The following DDX6 variants were observed in gnomAD, a reference collection of about 807,000 sequenced individuals.
DDX6 encodes DEAD-box helicase 6.
Under a neutral mutation model 60.6 loss-of-function variants are expected in DDX6, and 7 were observed. The ratio of observed to expected loss-of-function variants is 0.12; its 90% confidence interval spans 0.07 to 0.22. DDX6 has a LOEUF of 0.22. Ranked by LOEUF, DDX6 falls within the 10% of genes least tolerant of loss-of-function variation. DDX6 has a pLI of 1.00. For synonymous variants in DDX6, 207 were observed against 201.0 expected, an observed-to-expected ratio of 1.03 and a Z score of -0.25; for missense variants, 270 against 589.9, an observed-to-expected ratio of 0.46 and a Z score of 5.62.
rs1165591575 is a variant in DDX6, at chr11:118,750,254, T to C, written c.*1851A>G. The C allele has an allele frequency of 2.0e-5, 3 of 152,306 alleles. No homozygotes were observed. Among genetic ancestry groups the C allele is most frequent in the African/African-American group, 7.3e-5 (3 of 41,332 alleles). The allele number at this position is 152,306 out of a possible 1,614,324, so 9.4% of individuals were successfully genotyped here. ...CTAGTACACTGGGTTAAAAGGGAAT[T>C]AAAAACATTAAAAAAAAAAGTTCAC... On this transcript the variant is annotated 3_prime_UTR_variant, in exon 14 of 14. Transcript: ENST00000534980.
chr11:118,756,630 A>T (rs1430860448), intron 10 of DDX6, among the ~76,000 whole-genome samples: 2 of 152,236 alleles, frequency 1.3e-5, no homozygotes, highest in Non-Finnish European at 2.9e-5. Context: ...ACAGTAAAGA[A>T]AAAAAGAAAA....
rs1296813889 is a variant in DDX6 at position 118,751,850 on chromosome 11, A to G, written c.*255T>C. 1.2e-4 allele frequency: 50 copies of G among 427,178 alleles called. No individual in the cohort carries two copies. The highest frequency in any genetic ancestry group is 1.0e-3 in the African/African-American group (50 of 48,482). The allele number at this position is 427,178 out of a possible 1,614,324, so 26.5% of individuals were successfully genotyped here. A position where few individuals can be genotyped will look rare whatever the true frequency, so the allele number is the denominator to read the frequency against. The stretch of plus-strand genomic sequence containing the variant: ...TCCTTGTCCCCTTTCCCCAGAAAAC[A>G]TTTTTTAAAAACCAGCAGTTAGTGC... On this transcript the variant is annotated 3_prime_UTR_variant, in exon 14 of 14. Coordinates refer to ENST00000534980, the MANE Select transcript of DDX6 (RefSeq NM_004397.6).
Position 118,782,410 on chromosome 11 carries a change from T to A in DDX6, c.201-1226A>T, listed in dbSNP as rs1315853762. ...AAGTAATAAATACTCAAAGCATCTT[T>A]AAAAAAAAAAAAAAGATCAGGGAAC... On this transcript the variant is annotated intron_variant, in intron 2 of 13. Transcript: ENST00000534980. 2.7e-3 allele frequency among the ~76,000 whole-genome samples: 381 copies of A among 139,614 alleles called. 3 individuals carry two copies. The highest frequency in any genetic ancestry group is 9.2e-3 in the African/African-American group (351 of 38,256). 91.6% of individuals were successfully genotyped at this position (139,614 alleles called of 152,430 possible).
Position 118,762,756 on chromosome 11 carries a change from G to C in DDX6, c.741+456C>G, listed in dbSNP as rs574314772. ...ACCATCTGTACATGTACAAAACATG[G>C]CTAGATCCCAGGACTACAGATTTTA... On this transcript the variant is annotated intron_variant, in intron 7 of 13. Transcript: ENST00000534980. Among the ~76,000 whole-genome samples, 25 of 152,224 alleles carry C rather than the reference G, an allele frequency of 1.6e-4. No individual in the cohort carries two copies. In the South Asian group the frequency reaches 5.2e-3, roughly 32 times the overall value.
At chr11:118,777,400 A>G (rs541232584) in intron 4 of DDX6, among the ~76,000 whole-genome samples, 11 of 152,236 alleles carry the variant, frequency 7.2e-5, no homozygotes, top group South Asian at 6.2e-4. Context: ...ATTTATGTGT[A>G]TGTGTGTGTG....
At position 118,786,348 on chromosome 11, in the gene DDX6, A is replaced by AT. The variant is rs1862074312; in HGVS notation, c.-98dup. 9.3e-7 allele frequency: 1 copy of AT among 1,071,420 alleles called. No individual in the cohort carries two copies. The highest frequency in any genetic ancestry group is 2.8e-5 in the Admixed American group (1 of 35,494). The allele number at this position is 1,071,420 out of a possible 1,614,324, so 66.4% of individuals were successfully genotyped here. ...TTATTAGGCTCTCCAAAATGAAGAG[A>AT]TAAATATAAGTCTTGCTCAATAAAT... On this transcript the variant is annotated 5_prime_UTR_variant, in exon 2 of 14. Coordinates refer to ENST00000534980, the MANE Select transcript of DDX6 (RefSeq NM_004397.6).
intron 4 of DDX6, among the ~76,000 whole-genome samples, chr11:118,768,853 C>A (rs140297118): frequency 2.7e-4 from 41 of 151,270 alleles, no homozygotes; most frequent in African/African-American, 9.2e-4. Flanking sequence ...CCCAACTCTA[C>A]AAAAATTACA....
chr11:118,754,133 C>CA (rs1290270752), intron 13 of DDX6, among the ~76,000 whole-genome samples: 3 of 152,142 alleles, frequency 2.0e-5, no homozygotes, highest in East Asian at 1.9e-4. Flanking sequence ...ACAAAACTGT[C>CA]AAAAAAGGCC....
chr11:118,754,277 A>G (rs1039718408), intron 13 of DDX6, among the ~76,000 whole-genome samples: 1 of 152,140 alleles, frequency 6.6e-6, no homozygotes, highest in Non-Finnish European at 1.5e-5. Context: ...CAAAAATTTA[A>G]AACATTAGGC....
chr11:118,785,971 T>C (rs1195846971), intron 2 of DDX6, 81 bp downstream of exon 2: 1 of 1,324,830 alleles, frequency 7.5e-7, no homozygotes, highest in African/African-American at 1.5e-5. Flanking sequence ...AATTAAGGCA[T>C]AAGTATTAAT....
At chr11:118,766,366 TAA>T (rs1319338116) in intron 5 of DDX6, among the ~76,000 whole-genome samples, 4 of 151,954 alleles carry the variant, frequency 2.6e-5, no homozygotes, top group African/African-American at 9.7e-5. Context: ...CCTGGGAGAT[TAA>T]GACTGCATTA....
chr11:118,766,438 G>A (rs138988612), intron 5 of DDX6, among the ~76,000 whole-genome samples: 9 of 151,756 alleles, frequency 5.9e-5, no homozygotes, highest in Admixed American at 3.9e-4. Flanking sequence ...TGTCTCCCCC[G>A]CCAAAAAAAT....
At position 118,748,387 on chromosome 11, in the gene DDX6, T is replaced by G. The variant is rs527731011; in HGVS notation, c.*3718A>C. On this transcript the variant is annotated 3_prime_UTR_variant, in exon 14 of 14. Coordinates refer to ENST00000534980, the MANE Select transcript of DDX6 (RefSeq NM_004397.6). ...ATTTTCTTTGGGAGTTTTAAAAAAC[T>G]ATCTTTAGATTTAGAGATACAAAGT... The G allele has an allele frequency of 4.6e-5, 7 of 152,304 alleles. No homozygotes were observed. Among genetic ancestry groups the G allele is most frequent in the African/African-American group, 1.7e-4 (7 of 41,568 alleles). The allele number at this position is 152,304 out of a possible 1,614,324, so 9.4% of individuals were successfully genotyped here.
intron 2 of DDX6, 151 bp downstream of exon 2, chr11:118,785,901 C>T (rs1862058324): frequency 1.6e-6 from 1 of 634,764 alleles, no homozygotes; most frequent in Admixed American, 3.5e-5. Flanking sequence ...TATTCTATTG[C>T]AAATACCTAC....
chr11:118,769,663 T>C (rs553662393), intron 4 of DDX6, among the ~76,000 whole-genome samples: 9 of 32,304 alleles, frequency 2.8e-4, no homozygotes, highest in Non-Finnish European at 5.6e-4. Context: ...CAATAGATCG[T>C]TGAAAAAGCT....
Position 118,786,225 on chromosome 11 carries a change from A to G in DDX6, c.27T>C (p.Pro9=). 6.2e-7 allele frequency: 1 copy of G among 1,612,610 alleles called. No homozygotes were observed. Among genetic ancestry groups the G allele is most frequent in the Non-Finnish European group, 8.5e-7 (1 of 1,179,342 alleles). MSTARTEN[P]VIMGLSSQNG... ...TTTGACTGGACAGACCCATTATAAC[A>G]GGGTTCTCTGTTCTGGCCGTGCTCA... The change falls in exon 2 of 14, where the codon CCT becomes CCC. Residue 9 remains proline, a synonymous_variant. Transcript: ENST00000534980.
intron 2 of DDX6, among the ~76,000 whole-genome samples, chr11:118,781,605 C>T (rs188912072): frequency 1.3e-4 from 20 of 152,288 alleles, no homozygotes; most frequent in African/African-American, 4.1e-4. Flanking sequence ...TAGGTGTGAG[C>T]CACCATGGCC....
chr11:118,756,163 G>A (rs950954380), intron 11 of DDX6, 97 bp downstream of exon 11: 19 of 880,610 alleles, frequency 2.2e-5, no homozygotes, highest in African/African-American at 5.0e-5. Flanking sequence ...AGGGTGTGTC[G>A]GACTATGTCA....
rs1222688600 is a variant in DDX6, at chr11:118,786,405, G to T, written c.-154C>A. 2 of 550,366 alleles carry T rather than the reference G, an allele frequency of 3.6e-6. No individual in the cohort carries two copies. The highest frequency in any genetic ancestry group is 6.1e-6 in the Non-Finnish European group (2 of 328,338). The allele number at this position is 550,366 out of a possible 1,614,324, so 34.1% of individuals were successfully genotyped here. A position where few individuals can be genotyped will look rare whatever the true frequency, so the allele number is the denominator to read the frequency against. Reference sequence around the variant, plus strand: ...TTTATTGCAATGCAGGCAAGCACCTGTAAGTCTCTGAACGGTAAGCAGCAG... The same window carrying T: ...TTTATTGCAATGCAGGCAAGCACCTTTAAGTCTCTGAACGGTAAGCAGCAG... On this transcript the variant is annotated 5_prime_UTR_variant, in exon 2 of 14. Transcript: ENST00000534980.
Sources: gnomAD v4.1 joint callset for allele counts (sites outside exome capture counted in the v4.1 genomes callset) on GRCh38, gnomAD v4.1.1 for gene constraint, MANE v1.5 for transcripts, NCBI Gene and HGNC (gene_info 2026-07-23, HGNC 2026-07-21) for gene names.